Variants in MICU1 observed in about 807,000 individuals in gnomAD.
MICU1 encodes the protein mitochondrial calcium uptake 1, also known as calcium uptake protein 1, mitochondrial.
Under a neutral mutation model 56.8 loss-of-function variants are expected in MICU1, and 45 were observed. That is an observed-to-expected ratio of 0.79 (90% CI 0.62 to 1.02). MICU1 has a LOEUF of 1.02. MICU1 is among the 50% of genes least tolerant of loss of function. The probability of loss-of-function intolerance (pLI) is 0.00; values close to 1 mark genes in which losing one functional copy is unlikely to be tolerated. For synonymous variants in MICU1, 186 were observed against 195.1 expected, an observed-to-expected ratio of 0.95 and a Z score of 0.39; for missense variants, 504 against 587.1, an observed-to-expected ratio of 0.86 and a Z score of 1.46.
At chr10:72,392,833 G>A (rs1564842481) in intron 10 of MICU1, among the ~76,000 whole-genome samples, 1 of 152,272 alleles carries the variant, frequency 6.6e-6, no homozygotes, top group Non-Finnish European at 1.5e-5. Context: ...GTCAGGAGGA[G>A]GGAGGTTTAA....
intron 5 of MICU1, among the ~76,000 whole-genome samples, chr10:72,518,034 CTT>C (rs1197780931): frequency 3.5e-5 from 5 of 142,726 alleles, no homozygotes; most frequent in Admixed American, 7.1e-5. Context: ...TTCTTTTCTT[CTT>C]TTTTTTTTTT....
intron 3 of MICU1, among the ~76,000 whole-genome samples, chr10:72,559,064 T>C (rs749629480): frequency 2.0e-5 from 3 of 152,108 alleles, no homozygotes; most frequent in Non-Finnish European, 4.4e-5. Context: ...GGCACACACC[T>C]GTAGTCCTCT....
chr10:72,420,994 C>T (rs1479284820), intron 9 of MICU1, among the ~76,000 whole-genome samples: 1 of 110,386 alleles, frequency 9.1e-6, no homozygotes, highest in Non-Finnish European at 1.8e-5. Context: ...AAGAGCGAAA[C>T]TCCGTCTCAA....
chr10:72,410,811 T>C (rs1186094954), intron 9 of MICU1, among the ~76,000 whole-genome samples: 1 of 152,218 alleles, frequency 6.6e-6, no homozygotes, highest in Non-Finnish European at 1.5e-5. Flanking sequence ...CATAGTATGC[T>C]ATTTAATGTA....
chr10:72,442,419 C>T (rs781236160), intron 8 of MICU1, among the ~76,000 whole-genome samples: 22 of 152,164 alleles, frequency 1.4e-4, no homozygotes, highest in Non-Finnish European at 2.8e-4. Flanking sequence ...GCTAGGATTA[C>T]AAGCGTGAGC....
At chr10:72,464,599 CCT>C (rs1865734992) in intron 8 of MICU1, among the ~76,000 whole-genome samples, 1 of 152,092 alleles carries the variant, frequency 6.6e-6, no homozygotes, top group Admixed American at 6.5e-5. Flanking sequence ...CTATGGTATA[CCT>C]ATATACCATA....
chr10:72,390,311 A>G (rs886165777), intron 10 of MICU1, among the ~76,000 whole-genome samples: 1 of 152,252 alleles, frequency 6.6e-6, no homozygotes, highest in African/African-American at 2.4e-5. Flanking sequence ...TCCAAGGAAC[A>G]TTAACTCTGT....
intron 5 of MICU1, among the ~76,000 whole-genome samples, chr10:72,516,875 T>C (rs1295485542): frequency 6.6e-6 from 1 of 152,156 alleles, no homozygotes; most frequent in Non-Finnish European, 1.5e-5. Flanking sequence ...GTTGGGGTGG[T>C]AAAGAAGTAG....
chr10:72,569,237 A>ATATATATATT, intron 1 of MICU1, among the ~76,000 whole-genome samples: 2 of 34,380 alleles, frequency 5.8e-5, no homozygotes, highest in South Asian at 1.4e-3. Context: ...ATATATATAT[A>ATATATATATT]TTTTTTTTTT....
Position 72,598,309 on chromosome 10 carries a change from G to C in MICU1, c.-2+27701C>G, listed in dbSNP as rs376927451. Among the ~76,000 whole-genome samples, 63 of 151,446 alleles carry C rather than the reference G, an allele frequency of 4.2e-4. No individual in the cohort carries two copies. In the East Asian group the frequency reaches 8.1e-3, roughly 20 times the overall value. On this transcript the variant is annotated intron_variant, in intron 1 of 11. Transcript: ENST00000361114. ...CTTGCCCTGTCGCCCAGGTTGGATT[G>C]CAGTGGCATGATCTCGGCTCACTGC...
chr10:72,577,032 A>G (rs536516794), intron 1 of MICU1, among the ~76,000 whole-genome samples: 1 of 152,194 alleles, frequency 6.6e-6, no homozygotes, highest in Non-Finnish European at 1.5e-5. Flanking sequence ...TGGCTTTTGC[A>G]GCAACTTGGA....
At chr10:72,369,830 T>C (rs952646847) in intron 11 of MICU1, among the ~76,000 whole-genome samples, 4 of 152,120 alleles carry the variant, frequency 2.6e-5, no homozygotes, top group Non-Finnish European at 5.9e-5. Context: ...TGCCTCAGCC[T>C]CCTGAGTAGC....
intron 8 of MICU1, among the ~76,000 whole-genome samples, chr10:72,439,785 C>T (rs1350975318): frequency 2.6e-5 from 4 of 152,162 alleles, no homozygotes; most frequent in Admixed American, 2.6e-4. Flanking sequence ...CATGAGTGAA[C>T]TCCCATTCAC....
intron 1 of MICU1, among the ~76,000 whole-genome samples, chr10:72,607,209 C>T (rs1156761270): frequency 2.0e-5 from 3 of 151,126 alleles, no homozygotes; most frequent in African/African-American, 4.9e-5. Context: ...GGCGTCATGG[C>T]GCAAACCTGT....
chr10:72,546,539 G>C (rs1839897953), intron 4 of MICU1, among the ~76,000 whole-genome samples: 2 of 152,144 alleles, frequency 1.3e-5, no homozygotes, highest in Non-Finnish European at 2.9e-5. Context: ...GAGCCTCTCT[G>C]AACCTATTCT....
intron 1 of MICU1, among the ~76,000 whole-genome samples, chr10:72,595,407 G>A (rs1282886443): frequency 7.5e-6 from 1 of 132,852 alleles, no homozygotes; most frequent in Non-Finnish European, 1.5e-5. Context: ...AGCCAAGATC[G>A]CATCACTGCA....
intron 10 of MICU1, among the ~76,000 whole-genome samples, chr10:72,387,961 C>A (rs1041512161): frequency 6.6e-6 from 1 of 152,246 alleles, no homozygotes; most frequent in African/African-American, 2.4e-5. Context: ...AGTATTATCT[C>A]TTTTTATTTT....
chr10:72,416,532 A>G (rs1863989120), intron 9 of MICU1, among the ~76,000 whole-genome samples: 1 of 152,240 alleles, frequency 6.6e-6, no homozygotes, highest in Admixed American at 6.5e-5. Context: ...CACAGATGAT[A>G]TGAAAACTTA....
chr10:72,432,015 T>C (rs1864549638), intron 8 of MICU1, among the ~76,000 whole-genome samples: 1 of 152,068 alleles, frequency 6.6e-6, no homozygotes, highest in South Asian at 2.1e-4. Context: ...TGTCTATTTT[T>C]AAAAATAGCA....
Sources: allele counts gnomAD v4.1 joint callset (sites outside exome capture counted in the v4.1 genomes callset), GRCh38; gene constraint gnomAD v4.1.1; transcripts MANE v1.5; gene names NCBI Gene and HGNC (gene_info 2026-07-23, HGNC 2026-07-21).